PARP14: variants seen among roughly 807,000 people sequenced by gnomAD.
PARP14 encodes protein mono-ADP-ribosyltransferase PARP14.
In PARP14, 59 loss-of-function variants were observed where a neutral mutation model predicts 154.2. The observed-to-expected ratio is 0.38, with a 90% CI of 0.31 to 0.48. PARP14 has a LOEUF of 0.48. PARP14 is among the 20% of genes least tolerant of loss of function. The pLI is 0.98. For synonymous variants in PARP14, 720 were observed against 780.5 expected, an observed-to-expected ratio of 0.92 and a Z score of 1.29; for missense variants, 1,734 against 2,131.6, an observed-to-expected ratio of 0.81 and a Z score of 3.67.
At position 122,728,126 on chromosome 3, in the gene PARP14, G is replaced by A. The variant is rs1933336011; in HGVS notation, c.5116+140G>A. On this transcript the variant is annotated intron_variant, in intron 16 of 16. Transcript: ENST00000474629. ...CCCGAGTTTCAGGGTAGGACTCACT[G>A]TATTTCATCCCAAAGGGGATTGACT... is the stretch of plus-strand genomic sequence containing the variant. 6 of 922,094 alleles carry A rather than the reference G, an allele frequency of 6.5e-6. No homozygotes were observed. In the South Asian group the frequency reaches 1.0e-4, roughly 16 times the overall value. 57.1% of individuals were successfully genotyped at this position (922,094 alleles called of 1,614,324 possible).
At chr3:122,708,117 C>T in intron 8 of PARP14, 73 bp from the exon 9 acceptor site, 1 of 783,362 alleles carries the variant, frequency 1.3e-6, no homozygotes, top group Non-Finnish European at 2.2e-6. Flanking sequence ...GCATGCAGGA[C>T]AAAACACCCT....
chr3:122,689,505 C>A (rs1232443271), intron 3 of PARP14, among the ~76,000 whole-genome samples: 1 of 152,160 alleles, frequency 6.6e-6, no homozygotes, highest in East Asian at 1.9e-4. Context: ...GTCGTGGTCT[C>A]ACTATGTTAC....
At chr3:122,719,038 T>A in intron 14 of PARP14, 80 bp downstream of exon 14, 1 of 1,322,198 alleles carries the variant, frequency 7.6e-7, no homozygotes, top group Non-Finnish European at 1.0e-6. Context: ...TACATCAGAA[T>A]TTCAAATTGG....
chr3:122,685,330 T>C lies in PARP14; in HGVS notation c.321+12T>C. 1.2e-6 allele frequency: 2 copies of C among 1,612,682 alleles called. No homozygotes were observed. Among genetic ancestry groups the C allele is most frequent in the Non-Finnish European group, 1.7e-6 (2 of 1,179,370 alleles). ...AACTTCTAACAAAAGCAAGTAAACT[T>C]TAGGCATGAATAAAAGGGATTTAGG... On this transcript the variant is annotated intron_variant, in intron 2 of 16. Coordinates refer to ENST00000474629, the MANE Select transcript of PARP14 (RefSeq NM_017554.3).
chr3:122,683,347 T>A (rs1938274039), intron 1 of PARP14: 1 of 936,030 alleles, frequency 1.1e-6, no homozygotes, highest in African/African-American at 1.8e-5. Context: ...ATATAAACTG[T>A]AATAGGCAGA....
In PARP14 at chr3:122,703,946, G is replaced by C; in HGVS notation, c.3286G>C (p.Glu1096Gln). 6.2e-7 allele frequency: 1 copy of C among 1,613,882 alleles called. No homozygotes were observed. Among genetic ancestry groups the C allele is most frequent in the Non-Finnish European group, 8.5e-7 (1 of 1,179,792 alleles). Residue 1096 changes from glutamate (E) to glutamine (Q), a missense_variant, in exon 7 of 17, where the codon GAG (glutamate) becomes CAG (glutamine). Around this residue, in one of 2 missense-constraint regions of PARP14, gnomAD observed 1,646 missense variants for 1,976.0 expected, o/e 0.83. Transcript: ENST00000474629. The stretch of plus-strand genomic sequence containing the variant: ...CTATGTGCTTCACGTGGTAGCTCCG[G>C]AGTGGAGAAATGGTAGCACATCTTC... ...CRYVLHVVAP[E>Q]WRNGSTSSLK...
chr3:122,699,806 A>G lies in PARP14; in HGVS notation c.1252A>G (p.Lys418Glu), dbSNP rs773103557. 3 of 1,614,040 alleles carry G rather than the reference A, an allele frequency of 1.9e-6. No individual in the cohort carries two copies. Among genetic ancestry groups the G allele is most frequent in the East Asian group, 2.2e-5 (1 of 44,892 alleles). Residue 418 changes from lysine (K) to glutamate (E), a missense_variant, in exon 6 of 17, where the codon AAA becomes GAA. Physicochemically the swap from Lys to Glu is moderately conservative, Grantham distance 56. Transcript: ENST00000474629. ...GTGGGACACCATAAAAAATGATGTG[A>G]AAGATGACAGGATTTTGATTGAGTT... ...TMWDTIKNDV[K>E]DDRILIEFDT...
chr3:122,704,657 C>T lies in PARP14; in HGVS notation c.3449C>T (p.Ser1150Leu), dbSNP rs1939093510. 1 of 1,606,094 alleles carries T rather than the reference C, an allele frequency of 6.2e-7. No individual in the cohort carries two copies. The highest frequency in any genetic ancestry group is 1.7e-5 in the Admixed American group (1 of 59,156). Residue 1150 changes from serine to leucine, a missense_variant, in exon 8 of 17, where the codon TCA (serine) becomes TTA (leucine). Coordinates refer to ENST00000474629, the MANE Select transcript of PARP14 (RefSeq NM_017554.3). Reference sequence around the variant, plus strand: ...AACATATTCGCTGAATTAATCATTTCAGAGGTGTTCAAATTTAGTAGCAAG... The same window carrying T: ...AACATATTCGCTGAATTAATCATTTTAGAGGTGTTCAAATTTAGTAGCAAG... ...PKNIFAELII[S>L]EVFKFSSKNQ...
At chr3:122,697,579 G>A (rs1192223843) in intron 5 of PARP14, among the ~76,000 whole-genome samples, 1 of 152,160 alleles carries the variant, frequency 6.6e-6, no homozygotes, top group African/African-American at 2.4e-5. Flanking sequence ...TGAGGCAGAT[G>A]GTAGATAGAG....
Position 122,692,302 on chromosome 3 carries a change from T to A in PARP14, c.357T>A (p.Asp119Glu), listed in dbSNP as rs1938565383. ...SKTKEDVKEP[D>E]VSEELDTKLP... ...CCTCTTTTGTCTTCCTAAAATCAGATGTGTCAGAAGAATTGGATACAAAAC... is the reference window on the plus strand; with the variant it reads ...CCTCTTTTGTCTTCCTAAAATCAGAAGTGTCAGAAGAATTGGATACAAAAC... The change falls in exon 4 of 17, where the codon GAT (aspartate) becomes GAA (glutamate). Residue 119 changes from aspartate to glutamate, a missense_variant and splice_region_variant. Asp to Glu is a conservative substitution (Grantham distance 45, BLOSUM62 2). This residue lies in a region of PARP14 where 1,646 missense variants were observed against 1,976.0 expected (regional missense o/e 0.83). Transcript: ENST00000474629. 6.2e-7 allele frequency: 1 copy of A among 1,609,546 alleles called. No homozygotes were observed. Among genetic ancestry groups the A allele is most frequent in the Non-Finnish European group, 8.5e-7 (1 of 1,176,438 alleles).
intron 1 of PARP14, among the ~76,000 whole-genome samples, chr3:122,683,745 C>T (rs1308352110): frequency 6.6e-6 from 1 of 152,192 alleles, no homozygotes; most frequent in Non-Finnish European, 1.5e-5. Flanking sequence ...ACCAACTGTT[C>T]TCCTGAAATA....
rs902545215 is a variant in PARP14 at position 122,681,793 on chromosome 3, C to T, written c.187+723C>T. 1.3e-5 allele frequency among the ~76,000 whole-genome samples: 2 copies of T among 152,166 alleles called. No homozygotes were observed. Among genetic ancestry groups the T allele is most frequent in the Non-Finnish European group, 2.9e-5 (2 of 68,032 alleles). On this transcript the variant is annotated intron_variant, in intron 1 of 16. Transcript: ENST00000474629. The surrounding 1 kb of genome is among the most constrained non-coding windows in gnomAD (Gnocchi z 5.5). Reference sequence around the variant, plus strand: ...AAGTTCCCTCCTTACAGACCCACCACTACTTGGTGGGCCAAGAGCCCAGAG... The same window carrying T: ...AAGTTCCCTCCTTACAGACCCACCATTACTTGGTGGGCCAAGAGCCCAGAG...
chr3:122,695,988 A>G (rs1161609404), intron 5 of PARP14, among the ~76,000 whole-genome samples: 1 of 152,228 alleles, frequency 6.6e-6, no homozygotes, highest in South Asian at 2.1e-4. Context: ...CACTTGATAG[A>G]AGCTCTCAAA....
intron 5 of PARP14, 57 bp downstream of exon 5, chr3:122,695,719 T>A: frequency 2.6e-6 from 2 of 766,210 alleles, no homozygotes; most frequent in Non-Finnish European, 4.4e-6. Flanking sequence ...TAGCAGAGCT[T>A]AATAGTTATA....
chr3:122,685,474 A>G (rs375032849), intron 2 of PARP14, among the ~76,000 whole-genome samples, 156 bp downstream of exon 2: 4 of 151,552 alleles, frequency 2.6e-5, no homozygotes, highest in African/African-American at 9.7e-5. Context: ...GGGCAGTGGT[A>G]GGGTAGGGTA....
chr3:122,717,474 G>GCT (rs1336172390), intron 12 of PARP14, among the ~76,000 whole-genome samples: 1 of 152,172 alleles, frequency 6.6e-6, no homozygotes, highest in Non-Finnish European at 1.5e-5. Flanking sequence ...AGTGTGGAGG[G>GCT]AAAGGCTTCT....
chr3:122,691,347 C>A (rs889344606), intron 3 of PARP14, among the ~76,000 whole-genome samples: 18 of 152,192 alleles, frequency 1.2e-4, no homozygotes, highest in Admixed American at 1.2e-3. Flanking sequence ...CTTCAGTGGA[C>A]AAGCATACAG....
intron 4 of PARP14, among the ~76,000 whole-genome samples, chr3:122,694,925 A>G (rs760538571): frequency 4.6e-5 from 7 of 152,126 alleles, no homozygotes; most frequent in African/African-American, 7.3e-5. Context: ...GTATACACAA[A>G]GACCCTTTCA....
chr3:122,727,885 G>T lies in PARP14; in HGVS notation c.5015G>T (p.Gly1672Val), dbSNP rs1933328746. 1 of 1,613,472 alleles carries T rather than the reference G, an allele frequency of 6.2e-7. No homozygotes were observed. The highest frequency in any genetic ancestry group is 1.7e-5 in the Admixed American group (1 of 60,010). ...AAAAAAACTATGGATGCCAAGAATG[G>T]CCAGACAATGAATGAGAAGCAACTC... The part of the protein sequence containing the change: ...AKKKTMDAKN[G>V]QTMNEKQLFH... The change falls in exon 16 of 17, where the codon GGC (glycine) becomes GTC (valine). Residue 1672 changes from glycine to valine, a missense_variant. This residue lies in a region of PARP14 where 1,646 missense variants were observed against 1,976.0 expected (regional missense o/e 0.83). Coordinates refer to ENST00000474629, the MANE Select transcript of PARP14 (RefSeq NM_017554.3).
Sources: gnomAD v4.1 joint callset for allele counts (sites outside exome capture counted in the v4.1 genomes callset) on GRCh38, gnomAD v4.1.1 for gene constraint, gnomAD v4.1.1 regional missense constraint, Gnocchi (gnomAD v3.1) non-coding constraint, MANE v1.5 for transcripts, NCBI Gene and HGNC (gene_info 2026-07-23, HGNC 2026-07-21) for gene names.